The following KLHL18 variants were observed in gnomAD, a reference collection of about 807,000 sequenced individuals.
KLHL18 encodes kelch like family member 18, also known as kelch-like protein 18.
A neutral mutation model predicts 58.5 loss-of-function variants in KLHL18; 38 were observed. That is an observed-to-expected ratio of 0.65 (90% CI 0.50 to 0.85). KLHL18 has a LOEUF of 0.85. Ranked by LOEUF, KLHL18 falls within the 40% of genes least tolerant of loss-of-function variation. The probability of loss-of-function intolerance (pLI) is 0.00; values close to 1 mark genes in which losing one functional copy is unlikely to be tolerated. For synonymous variants in KLHL18, 303 were observed against 301.9 expected (o/e 1.00, Z -0.04); for missense variants, 624 against 778.4 (o/e 0.80, Z 2.36).
chr3:47,322,787 G>A, intron 3 of KLHL18, 79 bp downstream of exon 3: 11 of 1,406,414 alleles, frequency 7.8e-6, no homozygotes, highest in Non-Finnish European at 1.0e-5. Flanking sequence ...TGAGTTCTTG[G>A]GACCATATAT....
At chr3:47,312,859 C>G (rs189112604) in intron 1 of KLHL18, among the ~76,000 whole-genome samples, 13 of 150,658 alleles carry the variant, frequency 8.6e-5, no homozygotes, top group Admixed American at 2.0e-4. Flanking sequence ...ATTGTAGAAT[C>G]ACATGCAGTG....
chr3:47,305,334 GTTTTTTTTTT>G (rs397744565), intron 1 of KLHL18, among the ~76,000 whole-genome samples: 3 of 70,388 alleles, frequency 4.3e-5, no homozygotes, highest in Non-Finnish European at 8.0e-5. Flanking sequence ...ATTTTGTCAA[GTTTTTTTTTT>G]TTTTTTTTTT....
intron 1 of KLHL18, among the ~76,000 whole-genome samples, chr3:47,300,362 CATATGTATATGTGTGTAT>C (rs948136348): frequency 2.7e-4 from 33 of 124,386 alleles, no homozygotes; most frequent in Non-Finnish European, 4.6e-4. Flanking sequence ...TATGTGTGTA[CATATGTATATGTGTGTAT>C]ATATATGTGT....
At chr3:47,313,131 G>C (rs1030389472) in intron 1 of KLHL18, among the ~76,000 whole-genome samples, 4 of 151,010 alleles carry the variant, frequency 2.6e-5, no homozygotes, top group Non-Finnish European at 4.4e-5. Flanking sequence ...GGATGGTCTC[G>C]ATCTTCCGAC....
intron 4 of KLHL18, among the ~76,000 whole-genome samples, chr3:47,331,382 T>C: frequency 6.8e-6 from 1 of 146,568 alleles, no homozygotes; most frequent in Non-Finnish European, 1.5e-5. Flanking sequence ...CACCTTGGCC[T>C]CCCAAAGTGC....
chr3:47,343,474 CT>C (rs1360108039), intron 9 of KLHL18, 80 bp from the exon 10 acceptor site: 1 of 1,507,740 alleles, frequency 6.6e-7, no homozygotes, highest in Non-Finnish European at 9.1e-7. Context: ...TCATGGGGGG[CT>C]GCTGTGCCCT....
At position 47,287,004 on chromosome 3, in the gene KLHL18, CCTT is replaced by C. The variant is rs200231921; in HGVS notation, c.129+3917_129+3919del. Among the ~76,000 whole-genome samples the C allele has an allele frequency of 8.5e-5, 13 of 152,294 alleles. No homozygotes were observed. In the East Asian group the frequency reaches 1.9e-3, roughly 23 times the overall value. ...GGGACCAGTACTTCCTGATTTCGGCCCTTCTTCTTGCTCACAACTTCAGAGGAA... is the reference window on the plus strand; with the variant it reads ...GGGACCAGTACTTCCTGATTTCGGCCCTTCTTGCTCACAACTTCAGAGGAA... On this transcript the variant is annotated intron_variant, in intron 1 of 9. Coordinates refer to ENST00000232766, the MANE Select transcript of KLHL18 (RefSeq NM_025010.5).
chr3:47,284,842 A>G (rs1426142209), intron 1 of KLHL18, among the ~76,000 whole-genome samples: 1 of 151,062 alleles, frequency 6.6e-6, no homozygotes, highest in Non-Finnish European at 1.5e-5. Flanking sequence ...TTTTTGAGAC[A>G]GAGTCTCGCT....
intron 3 of KLHL18, among the ~76,000 whole-genome samples, chr3:47,323,934 T>C (rs1703646969): frequency 6.6e-6 from 1 of 152,198 alleles, no homozygotes. Flanking sequence ...GCCCACACGG[T>C]GCTCATGGTC....
chr3:47,299,118 A>G (rs1702957842), intron 1 of KLHL18, among the ~76,000 whole-genome samples: 1 of 152,192 alleles, frequency 6.6e-6, no homozygotes, highest in Non-Finnish European at 1.5e-5. Context: ...TATTTTCCAG[A>G]GTAGCGATAT....
intron 1 of KLHL18, among the ~76,000 whole-genome samples, chr3:47,300,319 A>T: frequency 7.3e-6 from 1 of 136,728 alleles, no homozygotes; most frequent in East Asian, 2.2e-4. Context: ...ATGTGTGTAT[A>T]TATGTATATG....
At chr3:47,298,353 T>TAAAAAAA (rs36006254) in intron 1 of KLHL18, among the ~76,000 whole-genome samples, 1 of 118,554 alleles carries the variant, frequency 8.4e-6, no homozygotes, top group African/African-American at 3.3e-5. Context: ...ATCCTGTCTC[T>TAAAAAAA]AAAAAAAAAA....
intron 1 of KLHL18, among the ~76,000 whole-genome samples, chr3:47,307,619 G>C (rs1439018255): frequency 6.6e-6 from 1 of 150,898 alleles, no homozygotes; most frequent in Non-Finnish European, 1.5e-5. Context: ...CAAACTCCTG[G>C]GCTCAGGCAG....
intron 9 of KLHL18, among the ~76,000 whole-genome samples, chr3:47,343,174 A>G (rs1704147190): frequency 6.6e-6 from 1 of 152,200 alleles, no homozygotes; most frequent in Non-Finnish European, 1.5e-5. Context: ...ATTTGTTTGA[A>G]ATTGTATTTA....
chr3:47,308,296 C>T (rs929935543), intron 1 of KLHL18, among the ~76,000 whole-genome samples: 1 of 151,900 alleles, frequency 6.6e-6, no homozygotes, highest in Non-Finnish European at 1.5e-5. Context: ...AAGTTTGTTA[C>T]ATAGGCATAT....
rs780596118 is a variant in KLHL18, at chr3:47,340,609, G to A, written c.1159G>A (p.Val387Ile). The change falls in exon 8 of 10, where the codon GTC becomes ATC. Residue 387 changes from valine (V) to isoleucine (I), a missense_variant. Coordinates refer to ENST00000232766, the MANE Select transcript of KLHL18 (RefSeq NM_025010.5). The stretch of plus-strand genomic sequence containing the variant: ...AGTCGTGCTGGATGGGCAGATCTAC[G>A]TCTGTGGGGGCTACGATGGCAACTC... The part of the protein sequence containing the change: ...GTVVLDGQIY[V>I]CGGYDGNSSL... The A allele has an allele frequency of 6.2e-6, 10 of 1,614,032 alleles. No individual in the cohort carries two copies. The highest frequency in any genetic ancestry group is 3.3e-5 in the South Asian group (3 of 91,072).
At chr3:47,295,924 C>T (rs911624614) in intron 1 of KLHL18, among the ~76,000 whole-genome samples, 1 of 152,098 alleles carries the variant, frequency 6.6e-6, no homozygotes, top group African/African-American at 2.4e-5. Context: ...GTGCTCTGTC[C>T]TATCACAGTG....
chr3:47,310,016 GTTC>G (rs1418594667), intron 1 of KLHL18, among the ~76,000 whole-genome samples: 1 of 152,028 alleles, frequency 6.6e-6, no homozygotes, highest in Non-Finnish European at 1.5e-5. Context: ...GAGGTTAACT[GTTC>G]TTAATGCCTT....
intron 1 of KLHL18, among the ~76,000 whole-genome samples, chr3:47,305,474 G>T (rs572825384): frequency 6.6e-6 from 1 of 151,096 alleles, no homozygotes; most frequent in Non-Finnish European, 1.5e-5. Context: ...TTTGGTTATG[G>T]TATATAATTA....
Sources: gnomAD v4.1 joint callset for allele counts (sites outside exome capture counted in the v4.1 genomes callset) on GRCh38, gnomAD v4.1.1 for gene constraint, MANE v1.5 for transcripts, NCBI Gene and HGNC (gene_info 2026-07-23, HGNC 2026-07-21) for gene names.